Variants in TNFSF4 observed in about 807,000 individuals in gnomAD.
TNFSF4 encodes TNF superfamily member 4.
A neutral mutation model predicts 7.3 loss-of-function variants in TNFSF4; 4 were observed. That is an observed-to-expected ratio of 0.55 (90% CI 0.27 to 1.25). The LOEUF (loss-of-function observed/expected upper bound fraction) is 1.25, where lower values mean the gene tolerates loss of function less well. TNFSF4 is among the 50% of genes most tolerant of loss of function. TNFSF4 has a pLI of 0.12. For synonymous variants in TNFSF4, 76 were observed against 83.7 expected (o/e 0.91, Z 0.50); for missense variants, 181 against 208.8 (o/e 0.87, Z 0.82).
the TNFSF4 span, among the ~76,000 whole-genome samples, chr1:173,304,358 G>C: frequency 6.6e-6 from 1 of 151,892 alleles, no homozygotes; most frequent in Non-Finnish European, 1.5e-5. Context: ...CTGAAGGCAA[G>C]GGGACTGGGT....
chr1:173,396,575 T>C, the TNFSF4 span, among the ~76,000 whole-genome samples: 2 of 152,182 alleles, frequency 1.3e-5, no homozygotes, highest in Admixed American at 6.5e-5. Context: ...ATCAAGTTTA[T>C]TGATATGGGC....
chr1:173,284,264 A>T, the TNFSF4 span, among the ~76,000 whole-genome samples: 1 of 152,098 alleles, frequency 6.6e-6, no homozygotes, highest in East Asian at 1.9e-4. Context: ...CTCCACTTTA[A>T]CCTATGTGGT....
chr1:173,359,329 T>C, the TNFSF4 span, among the ~76,000 whole-genome samples: 2 of 152,072 alleles, frequency 1.3e-5, no homozygotes, highest in Non-Finnish European at 2.9e-5. Flanking sequence ...TCAACAAACA[T>C]TTGATCAATA....
At chr1:173,213,976 C>T in the TNFSF4 span, among the ~76,000 whole-genome samples, 1 of 152,106 alleles carries the variant, frequency 6.6e-6, no homozygotes, top group Non-Finnish European at 1.5e-5. Context: ...ATAAACATTC[C>T]ACTCAGACAA....
At chr1:173,267,136 T>C in the TNFSF4 span, among the ~76,000 whole-genome samples, 4 of 152,180 alleles carry the variant, frequency 2.6e-5, no homozygotes, top group Non-Finnish European at 5.9e-5. Flanking sequence ...TCGAAAGATG[T>C]ATTATTAATC....
At chr1:173,433,543 A>C in the TNFSF4 span, among the ~76,000 whole-genome samples, 1 of 151,286 alleles carries the variant, frequency 6.6e-6, no homozygotes, top group South Asian at 2.1e-4. Flanking sequence ...AAAAATACAA[A>C]AAAAAAAAAA....
upstream of TNFSF4, among the ~76,000 whole-genome samples, chr1:173,211,018 A>G (rs1276671391): frequency 6.6e-6 from 1 of 152,252 alleles, no homozygotes; most frequent in Admixed American, 6.5e-5. Flanking sequence ...GCCTTGTTCT[A>G]AAACACACAA....
chr1:173,233,669 G>C, the TNFSF4 span, among the ~76,000 whole-genome samples: 1 of 152,160 alleles, frequency 6.6e-6, no homozygotes, highest in Non-Finnish European at 1.5e-5. Flanking sequence ...ATTCACATAA[G>C]TTGCAACTTT....
the TNFSF4 span, among the ~76,000 whole-genome samples, chr1:173,306,030 A>G: frequency 1.3e-5 from 2 of 151,892 alleles, no homozygotes; most frequent in African/African-American, 4.8e-5. Flanking sequence ...ATAATAAAAT[A>G]TGTTAATCTA....
chr1:173,422,956 A>G, the TNFSF4 span, among the ~76,000 whole-genome samples: 1 of 140,662 alleles, frequency 7.1e-6, no homozygotes, highest in Non-Finnish European at 1.5e-5. Flanking sequence ...TACATGTTAC[A>G]TACATATATA....
At chr1:173,250,838 T>C in the TNFSF4 span, among the ~76,000 whole-genome samples, 1 of 152,152 alleles carries the variant, frequency 6.6e-6, no homozygotes, top group Non-Finnish European at 1.5e-5. Context: ...ATCTGGGGCT[T>C]TTAAGATCAA....
At chr1:173,188,745 C>A (rs1441381811) in intron 1 of TNFSF4, among the ~76,000 whole-genome samples, 176 bp from the exon 2 acceptor site, 3 of 152,144 alleles carry the variant, frequency 2.0e-5, no homozygotes, top group African/African-American at 7.2e-5. Flanking sequence ...CAGGGTCTCA[C>A]TCTGACACCC....
the TNFSF4 span, among the ~76,000 whole-genome samples, chr1:173,417,004 T>C: frequency 1.1e-4 from 17 of 152,198 alleles, no homozygotes; most frequent in African/African-American, 4.1e-4. Flanking sequence ...GATTGTATTA[T>C]TATCTCTATT....
At chr1:173,203,317 C>T (rs1416850444) in intron 1 of TNFSF4, among the ~76,000 whole-genome samples, 2 of 152,120 alleles carry the variant, frequency 1.3e-5, no homozygotes, top group South Asian at 2.1e-4. Context: ...ATGTTTAATA[C>T]CTCCTTTAGA....
At chr1:173,190,953 C>T (rs1324843006) in intron 1 of TNFSF4, among the ~76,000 whole-genome samples, 1 of 152,148 alleles carries the variant, frequency 6.6e-6, no homozygotes, top group Non-Finnish European at 1.5e-5. Context: ...CACTAGCTTT[C>T]CATGATTTAG....
At chr1:173,424,203 G>T in the TNFSF4 span, among the ~76,000 whole-genome samples, 1 of 152,338 alleles carries the variant, frequency 6.6e-6, no homozygotes, top group South Asian at 2.1e-4. Flanking sequence ...ACACCAGAAA[G>T]AAATAGGCAA....
Position 173,185,954 on chromosome 1 carries a change from T to G in TNFSF4, c.*562A>C, listed in dbSNP as rs1279399259. The G allele has an allele frequency of 6.6e-6, 1 of 152,300 alleles. No homozygotes were observed. The highest frequency in any genetic ancestry group is 1.5e-5 in the Non-Finnish European group (1 of 68,122). The allele number at this position is 152,300 out of a possible 1,614,324, so 9.4% of individuals were successfully genotyped here. ...ATTTTTCACAAGCTGATTCTTCTTT[T>G]GAACCCCCACCAAATGAGAAAGTTT... On this transcript the variant is annotated 3_prime_UTR_variant, in exon 3 of 3. Transcript: ENST00000281834.
At chr1:173,310,742 T>C in the TNFSF4 span, among the ~76,000 whole-genome samples, 1 of 151,738 alleles carries the variant, frequency 6.6e-6, no homozygotes, top group Admixed American at 6.6e-5. Context: ...CAGTGAAGAC[T>C]GTGGATTTCT....
the TNFSF4 span, among the ~76,000 whole-genome samples, chr1:173,290,485 A>C: frequency 6.6e-6 from 1 of 152,156 alleles, no homozygotes; most frequent in Non-Finnish European, 1.5e-5. Flanking sequence ...ATAATAAAAA[A>C]CAATAAAGAA....
Sources: allele counts gnomAD v4.1 joint callset (sites outside exome capture counted in the v4.1 genomes callset), GRCh38; gene constraint gnomAD v4.1.1; transcripts MANE v1.5; gene names NCBI Gene and HGNC (gene_info 2026-07-23, HGNC 2026-07-21).